The following TGM2 variants were observed in gnomAD, a reference collection of about 807,000 sequenced individuals.
TGM2 encodes transglutaminase 2, also known as protein-glutamine gamma-glutamyltransferase 2.
A neutral mutation model predicts 75.6 loss-of-function variants in TGM2; 53 were observed. That is an observed-to-expected ratio of 0.70 (90% confidence interval 0.56 to 0.88). The LOEUF is 0.88. TGM2 is among the 40% of genes least tolerant of loss of function. The pLI is 0.00. For missense variants in TGM2, 842 were observed against 928.5 expected, an observed-to-expected ratio of 0.91 and a Z score of 1.21; for synonymous variants, 374 against 381.1, an observed-to-expected ratio of 0.98 and a Z score of 0.22.
chr20:38,152,575 G>A (rs1264181219), intron 3 of TGM2, among the ~76,000 whole-genome samples: 1 of 152,128 alleles, frequency 6.6e-6, no homozygotes, highest in Non-Finnish European at 1.5e-5. Context: ...CCCAGCTCAG[G>A]TCCCCATCTG....
At chr20:38,166,780 T>C (rs1011577563), upstream of TGM2, among the ~76,000 whole-genome samples, 1 of 152,182 alleles carries the variant, frequency 6.6e-6, no homozygotes, top group South Asian at 2.1e-4. Flanking sequence ...GGAGTCTCAG[T>C]GAACAAACCC....
chr20:38,131,255 C>T (rs763339960), intron 11 of TGM2, 26 bp from the exon 12 acceptor site: 3 of 1,613,120 alleles, frequency 1.9e-6, no homozygotes, highest in Admixed American at 1.7e-5. Context: ...GGGCAGATGT[C>T]AAGGGCAGGT....
intron 3 of TGM2, among the ~76,000 whole-genome samples, chr20:38,154,712 G>A (rs45455591): frequency 0.019 from 2,835 of 152,244 alleles, 65 homozygotes; most frequent in Non-Finnish European, 0.023. Context: ...GCAGCTGGAC[G>A]GTCTAACTGC....
intron 6 of TGM2, among the ~76,000 whole-genome samples, chr20:38,142,937 G>T (rs1482767642): frequency 2.6e-5 from 4 of 152,244 alleles, no homozygotes; most frequent in East Asian, 1.9e-4. Flanking sequence ...TGCCTGGAAG[G>T]CTGCCTGCCA....
Position 38,148,042 on chromosome 20 carries a change from G to A in TGM2, c.600C>T (p.Asn200=). 6.2e-7 allele frequency: 1 copy of A among 1,614,164 alleles called. No homozygotes were observed. Among genetic ancestry groups the A allele is most frequent in the East Asian group, 2.2e-5 (1 of 44,876 alleles). ...GGCCGGCGTTCTTCAGGAACTTGGGGTTGACATCTAGAAGGATCAGGCAGA... is the reference window on the plus strand; with the variant it reads ...GGCCGGCGTTCTTCAGGAACTTGGGATTGACATCTAGAAGGATCAGGCAGA... ...LDICLILLDV[N]PKFLKNAGRD... is the part of the protein sequence containing the mutation. The change falls in exon 5 of 13, where the codon AAC becomes AAT. Residue 200 remains asparagine, a synonymous_variant. Transcript: ENST00000361475.
At chr20:38,162,864 T>C (rs947434495) in intron 1 of TGM2, among the ~76,000 whole-genome samples, 15 of 152,244 alleles carry the variant, frequency 9.9e-5, no homozygotes, top group African/African-American at 2.7e-4. Context: ...CAATTCTGTC[T>C]ATTTTTGTGT....
rs190658613 is a variant in TGM2 at position 38,155,844 on chromosome 20, C to T, written c.433+3G>A. On this transcript the variant is annotated splice_donor_region_variant and intron_variant, in intron 3 of 12. Coordinates refer to ENST00000361475, the MANE Select transcript of TGM2 (RefSeq NM_004613.4). ...CGCTGTGAGTGGATGGCGTGTGGCT[C>T]ACCTGGGCACCAGGCGTTGAAGAGC... The T allele has an allele frequency of 1.4e-3, 2,189 of 1,595,816 alleles. 2 individuals carry two copies. Among genetic ancestry groups the T allele is most frequent in the South Asian group, 3.9e-3 (340 of 87,800 alleles).
chr20:38,132,288 C>T, intron 11 of TGM2, 52 bp downstream of exon 11: 1 of 1,607,990 alleles, frequency 6.2e-7, no homozygotes, highest in Non-Finnish European at 8.5e-7. Flanking sequence ...TCTGCCCTCT[C>T]CCCAGCGCTG....
intron 6 of TGM2, among the ~76,000 whole-genome samples, chr20:38,142,754 A>C (rs1258588881): frequency 6.6e-6 from 1 of 152,244 alleles, no homozygotes; most frequent in Non-Finnish European, 1.5e-5. Flanking sequence ...CCTGTGATCA[A>C]TTGTCCTTGG....
At chr20:38,150,883 G>T in intron 4 of TGM2, 56 bp downstream of exon 4, 2 of 1,354,104 alleles carry the variant, frequency 1.5e-6, no homozygotes, top group African/African-American at 1.4e-5. Context: ...CCAGACACAG[G>T]GCCGGGCACA....
intron 8 of TGM2, among the ~76,000 whole-genome samples, chr20:38,140,102 G>A (rs1047991651): frequency 6.6e-6 from 1 of 152,270 alleles, no homozygotes; most frequent in Non-Finnish European, 1.5e-5. Flanking sequence ...CATCTGTCTC[G>A]TTTCCTGCTC....
Position 38,130,225 on chromosome 20 carries a change from G to A in TGM2, c.2058C>T (p.Pro686=), listed in dbSNP as rs144501038. 6.7e-4 allele frequency: 1,074 copies of A among 1,613,212 alleles called. 4 individuals are homozygous for A. Among genetic ancestry groups the A allele is most frequent in the Non-Finnish European group, 8.5e-4 (1,006 of 1,179,894 alleles). Residue 686 remains proline, a synonymous_variant, in exon 13 of 13, where the codon CCC becomes CCT. Coordinates refer to ENST00000361475, the MANE Select transcript of TGM2 (RefSeq NM_004613.4). ...VKGFRNVIIG[P]A is the part of the protein sequence containing the mutation. Reference sequence around the variant, plus strand: ...GGCTGGGAGCAGGGGTCCCTTAGGCGGGGCCAATGATGACATTCCGGAAGC... The same window carrying A: ...GGCTGGGAGCAGGGGTCCCTTAGGCAGGGCCAATGATGACATTCCGGAAGC...
intron 1 of TGM2, among the ~76,000 whole-genome samples, chr20:38,164,539 G>T (rs764514596): frequency 6.6e-6 from 1 of 152,132 alleles, no homozygotes; most frequent in Non-Finnish European, 1.5e-5. Context: ...ACCAGGGCAC[G>T]GTCAGGGTGA....
chr20:38,148,132 G>T (rs771116826), intron 4 of TGM2, 43 bp from the exon 5 acceptor site: 6 of 1,612,762 alleles, frequency 3.7e-6, no homozygotes, highest in Non-Finnish European at 5.1e-6. Flanking sequence ...AGCTGGGAAG[G>T]CACCTCCTCC....
intron 6 of TGM2, chr20:38,146,184 T>G (rs1416412087): frequency 6.4e-6 from 1 of 156,480 alleles, no homozygotes; most frequent in Non-Finnish European, 1.4e-5. Flanking sequence ...ATATTCCCCC[T>G]CTACATTTTA....
At chr20:38,140,287 A>G (rs2074955545) in intron 8 of TGM2, among the ~76,000 whole-genome samples, 1 of 152,260 alleles carries the variant, frequency 6.6e-6, no homozygotes, top group African/African-American at 2.4e-5. Context: ...TAGCACATCC[A>G]TGTGATGGAC....
chr20:38,150,683 G>A (rs1351568546), intron 4 of TGM2, among the ~76,000 whole-genome samples: 3 of 152,228 alleles, frequency 2.0e-5, no homozygotes, highest in East Asian at 1.9e-4. Context: ...ATACCAACCA[G>A]CTTCACAGTT....
chr20:38,157,947 C>T (rs930611808), intron 2 of TGM2, among the ~76,000 whole-genome samples: 1 of 152,162 alleles, frequency 6.6e-6, no homozygotes, highest in Non-Finnish European at 1.5e-5. Flanking sequence ...TTGTCTAGTT[C>T]GATTGAAGAA....
rs45591835 is a variant in TGM2, at chr20:38,146,353, C to T, written c.859+364G>A. The T allele has an allele frequency of 4.0e-3, 1,471 of 372,268 alleles. 22 individuals are homozygous for T. Among genetic ancestry groups the T allele is most frequent in the African/African-American group, 0.028 (1,321 of 47,692 alleles). 23.1% of individuals were successfully genotyped at this position (372,268 alleles called of 1,614,324 possible). A position where few individuals can be genotyped will look rare whatever the true frequency, so the allele number is the denominator to read the frequency against. ...CTTGATGTTGTCCCCATTTTCCAGA[C>T]GAGGAAACTGAGGTTCAGAAAGAAG... On this transcript the variant is annotated intron_variant, in intron 6 of 12. Transcript: ENST00000361475.
Sources: allele counts gnomAD v4.1 joint callset (sites outside exome capture counted in the v4.1 genomes callset), GRCh38; gene constraint gnomAD v4.1.1; transcripts MANE v1.5; gene names NCBI Gene and HGNC (gene_info 2026-07-23, HGNC 2026-07-21).